Variants in EFNA5 observed in about 807,000 individuals in gnomAD.
EFNA5 encodes ephrin A5, also known as ephrin-A5.
EFNA5 carries 5 observed loss-of-function variants against 22.9 expected under a neutral mutation model. The ratio of observed to expected loss-of-function variants is 0.22; its 90% CI spans 0.11 to 0.46. EFNA5 has a LOEUF of 0.46. Ranked by LOEUF, EFNA5 falls within the 20% of genes least tolerant of loss-of-function variation. The pLI, the probability that EFNA5 is intolerant of heterozygous loss-of-function variation, is 0.99. For missense variants in EFNA5, 237 were observed against 293.3 expected, an observed-to-expected ratio of 0.81 and a Z score of 1.40; for synonymous variants, 113 against 112.2, an observed-to-expected ratio of 1.01 and a Z score of -0.04.
chr5:107,597,590 G>T (rs530840088), intron 1 of EFNA5, among the ~76,000 whole-genome samples: 27 of 151,952 alleles, frequency 1.8e-4, no homozygotes, highest in East Asian at 1.9e-4. Context: ...GCTAGAGAAA[G>T]GGGGGAGAGA....
intron 1 of EFNA5, among the ~76,000 whole-genome samples, chr5:107,511,120 A>T (rs1285927651): frequency 1.3e-5 from 2 of 151,452 alleles, no homozygotes. Flanking sequence ...TCTGCCTCCC[A>T]GGTTCAAGTG....
chr5:107,428,727 C>G (rs931868463), intron 1 of EFNA5, among the ~76,000 whole-genome samples: 2 of 152,236 alleles, frequency 1.3e-5, no homozygotes, highest in Non-Finnish European at 2.9e-5. Context: ...GCTGGACAGT[C>G]TGAGTGTGAA....
At chr5:107,587,302 C>T (rs1055226453) in intron 1 of EFNA5, among the ~76,000 whole-genome samples, 12 of 152,112 alleles carry the variant, frequency 7.9e-5, no homozygotes, top group African/African-American at 2.9e-4. Context: ...GCCTCTTGGC[C>T]TCCAAAGAAA....
chr5:107,405,959 T>C (rs1748201365), intron 2 of EFNA5, among the ~76,000 whole-genome samples: 1 of 136,516 alleles, frequency 7.3e-6, no homozygotes, highest in Non-Finnish European at 1.6e-5. Context: ...TGTATTTATA[T>C]ACATAGAATG....
At chr5:107,623,763 G>C (rs1245601509) in intron 1 of EFNA5, among the ~76,000 whole-genome samples, 7 of 148,788 alleles carry the variant, frequency 4.7e-5, no homozygotes, top group African/African-American at 1.7e-4. Flanking sequence ...AAGGCAGAAA[G>C]AGCTTTTATG....
rs527774921 is a variant in EFNA5 at position 107,657,816 on chromosome 5, A to T, written c.125+12673T>A. Reference sequence around the variant, plus strand: ...CTTTCAAAGACTTGAAAGTTCATTTAGATTAGTAATATTGTATTTATATAC... The same window carrying T: ...CTTTCAAAGACTTGAAAGTTCATTTTGATTAGTAATATTGTATTTATATAC... On this transcript the variant is annotated intron_variant, in intron 1 of 4. Coordinates refer to ENST00000333274, the MANE Select transcript of EFNA5 (RefSeq NM_001962.3). Among the ~76,000 whole-genome samples, 375 of 152,276 alleles carry T rather than the reference A, an allele frequency of 2.5e-3. 3 individuals are homozygous for T. Among genetic ancestry groups the T allele is most frequent in the African/African-American group, 8.8e-3 (367 of 41,576 alleles).
At chr5:107,520,840 T>C (rs1208710118) in intron 1 of EFNA5, among the ~76,000 whole-genome samples, 2 of 152,196 alleles carry the variant, frequency 1.3e-5, no homozygotes, top group Admixed American at 1.3e-4. Flanking sequence ...TAAATTATCT[T>C]AACAGTGATA....
chr5:107,564,501 T>C lies in EFNA5; in HGVS notation c.125+105988A>G, dbSNP rs888782181. Among the ~76,000 whole-genome samples, 23 of 152,204 alleles carry C rather than the reference T, an allele frequency of 1.5e-4. 1 individual carries two copies. The highest frequency in any genetic ancestry group is 4.6e-4 in the African/African-American group (19 of 41,456). ...GTCTGTTATTAGGATGTAAAAGGTA[T>C]TGTATTCCCCAAAAGCACCTAACTC... is the stretch of plus-strand genomic sequence containing the variant. On this transcript the variant is annotated intron_variant, in intron 1 of 4. Coordinates refer to ENST00000333274, the MANE Select transcript of EFNA5 (RefSeq NM_001962.3).
intron 2 of EFNA5, among the ~76,000 whole-genome samples, chr5:107,415,579 C>T (rs566294932): frequency 1.3e-5 from 2 of 152,172 alleles, no homozygotes; most frequent in Admixed American, 6.5e-5. Context: ...TCCCTGACTC[C>T]GGTAATCACC....
intron 1 of EFNA5, among the ~76,000 whole-genome samples, chr5:107,547,509 C>G (rs573387737): frequency 6.7e-6 from 1 of 149,886 alleles, no homozygotes; most frequent in African/African-American, 2.5e-5. Context: ...AAAATGTTAG[C>G]GTAAGACACT....
chr5:107,415,450 T>C (rs1748477938), intron 2 of EFNA5, among the ~76,000 whole-genome samples: 1 of 152,176 alleles, frequency 6.6e-6, no homozygotes, highest in African/African-American at 2.4e-5. Context: ...ATTCAGACCT[T>C]TTCATTGATC....
Position 107,552,345 on chromosome 5 carries a change from T to C in EFNA5, c.125+118144A>G, listed in dbSNP as rs529653004. Among the ~76,000 whole-genome samples, 3 of 152,330 alleles carry C rather than the reference T, an allele frequency of 2.0e-5. 1 individual carries two copies. The highest frequency in any genetic ancestry group is 7.2e-5 in the African/African-American group (3 of 41,570). On this transcript the variant is annotated intron_variant, in intron 1 of 4. Transcript: ENST00000333274. Reference sequence around the variant, plus strand: ...TAATATTAACTGAGGGCTGATTATATGCTTGGCATCATGCTCACTATGTAT... The same window carrying C: ...TAATATTAACTGAGGGCTGATTATACGCTTGGCATCATGCTCACTATGTAT...
intron 1 of EFNA5, among the ~76,000 whole-genome samples, chr5:107,618,443 G>A (rs996272986): frequency 6.6e-6 from 1 of 152,012 alleles, no homozygotes; most frequent in Admixed American, 6.6e-5. Flanking sequence ...TGATTCCTAG[G>A]GACTGTAGCT....
intron 2 of EFNA5, among the ~76,000 whole-genome samples, chr5:107,420,168 G>C (rs1171589706): frequency 6.6e-6 from 1 of 152,104 alleles, no homozygotes; most frequent in East Asian, 1.9e-4. Context: ...CTAGCATAAT[G>C]CTCCTTAAGA....
intron 1 of EFNA5, among the ~76,000 whole-genome samples, chr5:107,543,242 A>G (rs534107495): frequency 8.5e-5 from 13 of 152,368 alleles, no homozygotes; most frequent in African/African-American, 2.9e-4. Context: ...GTGAGAAAAC[A>G]AAGTAGAAGG....
intron 1 of EFNA5, among the ~76,000 whole-genome samples, chr5:107,561,643 C>T (rs1010999987): frequency 3.3e-5 from 5 of 152,144 alleles, no homozygotes; most frequent in Non-Finnish European, 7.3e-5. Context: ...GCTGGGATTA[C>T]AGGTGTGAGC....
chr5:107,668,987 C>G (rs1258837798), intron 1 of EFNA5, among the ~76,000 whole-genome samples: 3 of 152,120 alleles, frequency 2.0e-5, no homozygotes, highest in Non-Finnish European at 4.4e-5. Context: ...CACTCCTGTT[C>G]AGCGGTTCAT....
chr5:107,475,926 A>C (rs544997174), intron 1 of EFNA5, among the ~76,000 whole-genome samples: 54 of 150,488 alleles, frequency 3.6e-4, no homozygotes, highest in African/African-American at 1.3e-3. Context: ...ATATTTTACA[A>C]GAGTGAATTT....
intron 1 of EFNA5, among the ~76,000 whole-genome samples, chr5:107,586,975 A>C (rs1354814343): frequency 6.6e-6 from 1 of 152,194 alleles, no homozygotes; most frequent in African/African-American, 2.4e-5. Context: ...CAGAAGGATC[A>C]ACTAGATTAT....
Sources: allele counts gnomAD v4.1 joint callset (sites outside exome capture counted in the v4.1 genomes callset), GRCh38; gene constraint gnomAD v4.1.1; transcripts MANE v1.5; gene names NCBI Gene and HGNC (gene_info 2026-07-23, HGNC 2026-07-21).